The following NCAM2 variants were observed in gnomAD, a reference collection of about 807,000 sequenced individuals.
NCAM2 encodes the protein N-CAM-2.
Under a neutral mutation model 98.1 loss-of-function variants are expected in NCAM2, and 30 were observed. The ratio of observed to expected loss-of-function variants is 0.31; its 90% CI spans 0.23 to 0.41. NCAM2 has a LOEUF of 0.41. Among genes scored for constraint, NCAM2 ranks in the 10% least tolerant of loss-of-function variants. The probability of loss-of-function intolerance (pLI) is 1.00; values close to 1 mark genes in which losing one functional copy is unlikely to be tolerated. For missense variants in NCAM2, 867 were observed against 1,005.8 expected (o/e 0.86, Z 1.87); for synonymous variants, 368 against 342.4 (o/e 1.07, Z -0.83).
chr21:21,356,916 G>A (rs1480793691), intron 8 of NCAM2, among the ~76,000 whole-genome samples: 8 of 152,018 alleles, frequency 5.3e-5, no homozygotes, highest in African/African-American at 1.9e-4. Flanking sequence ...CTTGAATCCC[G>A]GAGGCGGAGG....
chr21:21,513,161 A>T (rs1365708855), intron 16 of NCAM2, among the ~76,000 whole-genome samples: 1 of 152,034 alleles, frequency 6.6e-6, no homozygotes, highest in Admixed American at 6.6e-5. Flanking sequence ...CTTGTTCCAG[A>T]TCTTAGAGGA....
intron 8 of NCAM2, among the ~76,000 whole-genome samples, chr21:21,362,915 T>A (rs1289413267): frequency 1.3e-5 from 2 of 152,256 alleles, no homozygotes; most frequent in Admixed American, 1.3e-4. Context: ...AAAGTCAATG[T>A]ACATGACACA....
chr21:21,107,390 A>G (rs1221434711), intron 1 of NCAM2, among the ~76,000 whole-genome samples: 1 of 152,034 alleles, frequency 6.6e-6, no homozygotes, highest in South Asian at 2.1e-4. Context: ...GTTTTTTTCC[A>G]TGCAAGGTTA....
chr21:21,526,663 A>G (rs1259157476), intron 16 of NCAM2, among the ~76,000 whole-genome samples: 3 of 152,128 alleles, frequency 2.0e-5, no homozygotes. Context: ...AAGACCCACA[A>G]TAACCAAAGT....
At chr21:21,275,468 A>G (rs2072694098) in intron 1 of NCAM2, among the ~76,000 whole-genome samples, 1 of 151,698 alleles carries the variant, frequency 6.6e-6, no homozygotes, top group East Asian at 1.9e-4. Flanking sequence ...AATAAATAAA[A>G]AAAGAAAAAT....
chr21:21,525,038 T>G (rs565071846), intron 16 of NCAM2, among the ~76,000 whole-genome samples: 1 of 152,224 alleles, frequency 6.6e-6, no homozygotes, highest in South Asian at 2.1e-4. Flanking sequence ...TTTCCTTGAA[T>G]ACATATATTA....
intron 11 of NCAM2, among the ~76,000 whole-genome samples, chr21:21,423,067 T>A (rs1436710321): frequency 1.3e-5 from 2 of 151,752 alleles, no homozygotes; most frequent in Non-Finnish European, 2.9e-5. Flanking sequence ...ATTTCTTAAT[T>A]TGTTTCATCA....
intron 16 of NCAM2, among the ~76,000 whole-genome samples, chr21:21,527,694 T>C (rs1050825913): frequency 3.3e-5 from 5 of 152,156 alleles, no homozygotes; most frequent in Non-Finnish European, 7.4e-5. Context: ...ATCTAGAACA[T>C]TGACAACACC....
intron 1 of NCAM2, among the ~76,000 whole-genome samples, chr21:21,204,418 T>C (rs2069356477): frequency 6.6e-6 from 1 of 152,164 alleles, no homozygotes; most frequent in Admixed American, 6.6e-5. Context: ...TTTAACCTTG[T>C]GTTGCATAAT....
Position 21,539,302 on chromosome 21 carries a change from C to T in NCAM2, c.*1345C>T, listed in dbSNP as rs1186865189. 6.6e-6 allele frequency: 1 copy of T among 151,966 alleles called. No homozygotes were observed. Among genetic ancestry groups the T allele is most frequent in the Non-Finnish European group, 1.5e-5 (1 of 68,008 alleles). The allele number at this position is 151,966 out of a possible 1,614,324, so 9.4% of individuals were successfully genotyped here. On this transcript the variant is annotated 3_prime_UTR_variant, in exon 18 of 18. Coordinates refer to ENST00000400546, the MANE Select transcript of NCAM2 (RefSeq NM_004540.5). ...TATTTATCATTATAAACATACATAC[C>T]ATTTGGGAGCAGGTTTATTAACCTT...
intron 1 of NCAM2, among the ~76,000 whole-genome samples, chr21:21,102,158 T>C (rs1387429141): frequency 6.6e-6 from 1 of 152,014 alleles, no homozygotes; most frequent in African/African-American, 2.4e-5. Flanking sequence ...ATATGCACAC[T>C]TGTGTTAAAA....
intron 10 of NCAM2, among the ~76,000 whole-genome samples, chr21:21,415,632 G>C (rs1306355401): frequency 6.6e-6 from 1 of 152,172 alleles, no homozygotes; most frequent in Non-Finnish European, 1.5e-5. Flanking sequence ...ACCTCGCCCG[G>C]CCCTTAGCTT....
intron 11 of NCAM2, among the ~76,000 whole-genome samples, chr21:21,421,732 C>A (rs1378478108): frequency 1.3e-5 from 2 of 152,108 alleles, no homozygotes. Flanking sequence ...TTTAAGATTT[C>A]ATTGGCCTAT....
chr21:21,302,290 G>T (rs573383760), intron 5 of NCAM2, among the ~76,000 whole-genome samples: 24 of 152,164 alleles, frequency 1.6e-4, no homozygotes, highest in South Asian at 1.0e-3. Flanking sequence ...GTTAATTTTT[G>T]TATCTGATGA....
At chr21:21,228,422 G>A (rs940766521) in intron 1 of NCAM2, among the ~76,000 whole-genome samples, 2 of 151,234 alleles carry the variant, frequency 1.3e-5, no homozygotes, top group Middle Eastern at 3.2e-3. Flanking sequence ...TGCAGTGACT[G>A]TAATAACAGA....
At chr21:21,510,718 T>C (rs1251460256) in intron 16 of NCAM2, among the ~76,000 whole-genome samples, 1 of 147,678 alleles carries the variant, frequency 6.8e-6, no homozygotes, top group East Asian at 2.0e-4. Context: ...TTAAAATATA[T>C]GCCAAAATAT....
At chr21:21,219,132 C>A (rs926986628) in intron 1 of NCAM2, among the ~76,000 whole-genome samples, 1 of 152,166 alleles carries the variant, frequency 6.6e-6, no homozygotes, top group African/African-American at 2.4e-5. Flanking sequence ...AATTCATAAA[C>A]CTTCTTAAAA....
intron 15 of NCAM2, among the ~76,000 whole-genome samples, chr21:21,501,478 A>G (rs899085649): frequency 6.6e-6 from 1 of 152,008 alleles, no homozygotes; most frequent in Non-Finnish European, 1.5e-5. Context: ...GTAAATATGG[A>G]CTTGAAGTAT....
At chr21:21,432,479 A>G (rs2077368441) in intron 12 of NCAM2, among the ~76,000 whole-genome samples, 198 bp downstream of exon 12, 1 of 151,810 alleles carries the variant, frequency 6.6e-6, no homozygotes, top group African/African-American at 2.4e-5. Flanking sequence ...TAAAAATGAA[A>G]GAGCTTAGTA....
Sources: allele counts gnomAD v4.1 joint callset (sites outside exome capture counted in the v4.1 genomes callset), GRCh38; gene constraint gnomAD v4.1.1; transcripts MANE v1.5; gene names NCBI Gene and HGNC (gene_info 2026-07-23, HGNC 2026-07-21).